Variants in NTRK2 observed in about 807,000 individuals in gnomAD.
NTRK2 encodes neurotrophic receptor tyrosine kinase 2.
Under a neutral mutation model 94.5 loss-of-function variants are expected in NTRK2, and 13 were observed. The observed-to-expected ratio is 0.14, with a 90% CI of 0.09 to 0.22. The LOEUF is 0.22. Ranked by LOEUF, NTRK2 falls within the 10% of genes least tolerant of loss-of-function variation. The pLI, the probability that NTRK2 is intolerant of heterozygous loss-of-function variation, is 1.00. For synonymous variants in NTRK2, 372 were observed against 407.4 expected, an observed-to-expected ratio of 0.91 and a Z score of 1.05; for missense variants, 639 against 1,071.2, an observed-to-expected ratio of 0.60 and a Z score of 5.63.
At position 85,024,419 on chromosome 9, in the gene NTRK2, T is replaced by C. The variant is rs1483779514; in HGVS notation, c.*2982T>C. On this transcript the variant is annotated 3_prime_UTR_variant, in exon 19 of 19. Transcript: ENST00000277120. ...AAACCTGGTCTGACAATCATTTCCA[T>C]TTAGAAGTCATTGAATAGTTTTCCA... 4.3e-6 allele frequency: 1 copy of C among 232,886 alleles called. No homozygotes were observed. Among genetic ancestry groups the C allele is most frequent in the Non-Finnish European group, 8.5e-6 (1 of 117,880 alleles). The allele number at this position is 232,886 out of a possible 1,614,324, so 14.4% of individuals were successfully genotyped here.
chr9:84,952,075 A>G (rs1317493536), intron 16 of NTRK2, among the ~76,000 whole-genome samples: 2 of 152,218 alleles, frequency 1.3e-5, no homozygotes, highest in Non-Finnish European at 2.9e-5. Context: ...CTATTTTTCA[A>G]ACTATCACAG....
rs773413015 is a variant in NTRK2 at position 84,704,225 on chromosome 9, C to CTTT, written c.359+1825_359+1827dup. Reference sequence around the variant, plus strand: ...ATATGACGGTGATTTTGGTGGTATTCTTTTTTTTTTTTTTTTTTTTTGAGA... The same window carrying CTTT: ...ATATGACGGTGATTTTGGTGGTATTCTTTTTTTTTTTTTTTTTTTTTTTTGAGA... On this transcript the variant is annotated intron_variant, in intron 4 of 18. Transcript: ENST00000277120. 6.4e-3 allele frequency among the ~76,000 whole-genome samples: 598 copies of CTTT among 93,742 alleles called. 2 individuals are homozygous for CTTT. The highest frequency in any genetic ancestry group is 8.2e-3 in the Non-Finnish European group (414 of 50,760). The allele number at this position is 93,742 out of a possible 152,430, so 61.5% of individuals were successfully genotyped here. A position where few individuals can be genotyped will look rare whatever the true frequency, so the allele number is the denominator to read the frequency against.
chr9:84,973,873 A>G (rs1173892915), intron 17 of NTRK2, among the ~76,000 whole-genome samples: 2 of 152,220 alleles, frequency 1.3e-5, no homozygotes, highest in African/African-American at 2.4e-5. Context: ...TTACAAAACT[A>G]GGGGAAAAAA....
At chr9:84,847,130 T>C (rs1351626460) in intron 12 of NTRK2, among the ~76,000 whole-genome samples, 1 of 152,176 alleles carries the variant, frequency 6.6e-6, no homozygotes, top group African/African-American at 2.4e-5. Flanking sequence ...GTCAAAGTCA[T>C]TGAAATCCCA....
intron 17 of NTRK2, among the ~76,000 whole-genome samples, chr9:84,996,415 G>A (rs373874173): frequency 3.3e-4 from 51 of 152,368 alleles, no homozygotes; most frequent in South Asian, 1.7e-3. Flanking sequence ...ACTGTACGCC[G>A]TGGGCAGAGC....
intron 14 of NTRK2, among the ~76,000 whole-genome samples, chr9:84,928,287 G>T (rs1426647078): frequency 6.6e-6 from 1 of 152,040 alleles, no homozygotes; most frequent in Admixed American, 6.5e-5. Flanking sequence ...GAAGATATTT[G>T]GAAAATCATT....
At chr9:84,752,255 G>A (rs773918518) in intron 12 of NTRK2, among the ~76,000 whole-genome samples, 170 bp downstream of exon 12, 3 of 152,228 alleles carry the variant, frequency 2.0e-5, no homozygotes, top group African/African-American at 7.2e-5. Flanking sequence ...GCAAAATAAT[G>A]TTGATTACTC....
intron 14 of NTRK2, among the ~76,000 whole-genome samples, chr9:84,897,598 C>T (rs1355299328): frequency 6.6e-6 from 1 of 152,192 alleles, no homozygotes; most frequent in African/African-American, 2.4e-5. Flanking sequence ...GTGCTGGCAC[C>T]TCTTGTTCTG....
At chr9:84,870,354 TATATATATATAA>T (rs1178866794) in intron 14 of NTRK2, among the ~76,000 whole-genome samples, 3 of 127,278 alleles carry the variant, frequency 2.4e-5, no homozygotes, top group African/African-American at 8.4e-5. Context: ...TATATATATA[TATATATATATAA>T]AACTCTGTCA....
chr9:84,745,183 G>C, intron 11 of NTRK2, 110 bp downstream of exon 11: 1 of 694,518 alleles, frequency 1.4e-6, no homozygotes, highest in Non-Finnish European at 2.5e-6. Flanking sequence ...GATATAAATA[G>C]GGTGTTAACA....
intron 12 of NTRK2, among the ~76,000 whole-genome samples, chr9:84,779,658 C>T (rs2067374654): frequency 6.6e-6 from 1 of 152,094 alleles, no homozygotes; most frequent in African/African-American, 2.4e-5. Flanking sequence ...TTGACACTGA[C>T]ACAAGAACAT....
At chr9:84,870,126 T>TATATATATACACAC (rs774255186) in intron 14 of NTRK2, among the ~76,000 whole-genome samples, 5 of 95,654 alleles carry the variant, frequency 5.2e-5, no homozygotes, top group African/African-American at 2.1e-4. Context: ...TATATATATA[T>TATATATATACACAC]ACACACACAC....
intron 17 of NTRK2, among the ~76,000 whole-genome samples, chr9:84,991,995 C>T (rs534645789): frequency 1.1e-4 from 16 of 152,286 alleles, no homozygotes; most frequent in Admixed American, 5.2e-4. Context: ...TCTTTTGCCT[C>T]CCTCCATTTT....
At chr9:84,844,649 T>TCACACACACA (rs10562034) in intron 12 of NTRK2, among the ~76,000 whole-genome samples, 36 of 140,920 alleles carry the variant, frequency 2.6e-4, no homozygotes, top group African/African-American at 8.2e-4. Flanking sequence ...AATACCTCAC[T>TCACACACACA]CACACACACA....
At chr9:84,970,952 CTT>C (rs950972549) in intron 17 of NTRK2, among the ~76,000 whole-genome samples, 29 of 152,332 alleles carry the variant, frequency 1.9e-4, no homozygotes, top group Admixed American at 1.6e-3. Flanking sequence ...TTATGTCAGT[CTT>C]TGCTCATCCC....
At chr9:84,719,016 A>G (rs919336391) in intron 6 of NTRK2, among the ~76,000 whole-genome samples, 2 of 152,190 alleles carry the variant, frequency 1.3e-5, no homozygotes, top group African/African-American at 4.8e-5. Flanking sequence ...CAATTTCTCT[A>G]TAAATAAAGG....
At chr9:84,947,699 G>A (rs908329987) in intron 15 of NTRK2, among the ~76,000 whole-genome samples, 1 of 152,242 alleles carries the variant, frequency 6.6e-6, no homozygotes, top group Non-Finnish European at 1.5e-5. Flanking sequence ...GCCCATAAGT[G>A]CCTGAGGCCA....
chr9:84,707,043 G>A (rs1041413032), intron 4 of NTRK2, among the ~76,000 whole-genome samples: 2 of 152,098 alleles, frequency 1.3e-5, no homozygotes, highest in East Asian at 1.9e-4. Context: ...AAACAAATTC[G>A]CAGAGTGAGT....
At chr9:84,868,723 G>A (rs1272486850) in intron 14 of NTRK2, among the ~76,000 whole-genome samples, 1 of 152,146 alleles carries the variant, frequency 6.6e-6, no homozygotes, top group Non-Finnish European at 1.5e-5. Context: ...TTGATGGGGT[G>A]AGCCTCCTCC....
Sources: gnomAD v4.1 joint callset for allele counts (sites outside exome capture counted in the v4.1 genomes callset) on GRCh38, gnomAD v4.1.1 for gene constraint, MANE v1.5 for transcripts, NCBI Gene and HGNC (gene_info 2026-07-23, HGNC 2026-07-21) for gene names.